CEP295: variants seen among roughly 807,000 people sequenced by gnomAD.
CEP295 encodes centrosomal protein of 295 kDa.
In CEP295, 190 loss-of-function variants were observed where a neutral mutation model predicts 291.6. The ratio of observed to expected loss-of-function variants is 0.65; its 90% CI spans 0.58 to 0.73. CEP295 has a LOEUF of 0.73. CEP295 is among the 30% of genes least tolerant of loss of function. The pLI, the probability that CEP295 is intolerant of heterozygous loss-of-function variation, is 0.00. For missense variants in CEP295, 2,863 were observed against 2,949.4 expected, an observed-to-expected ratio of 0.97 and a Z score of 0.68; for synonymous variants, 993 against 1,038.8, an observed-to-expected ratio of 0.96 and a Z score of 0.85.
intron 3 of CEP295, 95 bp from the exon 4 acceptor site, chr11:93,668,713 A>G: frequency 1.1e-6 from 1 of 917,896 alleles, no homozygotes; most frequent in Non-Finnish European, 1.6e-6. Flanking sequence ...TGTAGAAAGA[A>G]GATGACAAAA....
Position 93,668,900 on chromosome 11 carries a change from TCAAAAA to T in CEP295, c.403_408del (p.Gln135_Lys136del). Reference sequence around the variant, plus strand: ...AAGAAGCCTTGAAAGTACAGAAAAATCAAAAAGAAATATTACTGAAACAAAAAACCT... The same window carrying T: ...AAGAAGCCTTGAAAGTACAGAAAAATGAAATATTACTGAAACAAAAAACCT... On this transcript the variant is annotated inframe_deletion, in exon 4 of 30. Transcript: ENST00000325212. 1.5e-6 allele frequency: 2 copies of T among 1,313,178 alleles called. No homozygotes were observed. The highest frequency in any genetic ancestry group is 2.1e-6 in the Non-Finnish European group (2 of 948,488). The allele number at this position is 1,313,178 out of a possible 1,614,324, so 81.3% of individuals were successfully genotyped here.
rs1952038027 is a variant in CEP295 at position 93,699,762 on chromosome 11, A to G, written c.4850A>G (p.Tyr1617Cys). The change falls in exon 15 of 30, where the codon TAT becomes TGT. Residue 1617 changes from tyrosine (Y) to cysteine (C), a missense_variant. By Grantham distance (194) the Tyr-to-Cys change is radical. Coordinates refer to ENST00000325212, the MANE Select transcript of CEP295 (RefSeq NM_033395.2). ...LDAQREVMYSYEKPQEELSLN... is the reference protein window; with the variant it reads ...LDAQREVMYSCEKPQEELSLN... ...GCACAAAGGGAAGTGATGTATTCTT[A>G]TGAGAAACCCCAGGAAGAACTGTCT... The G allele has an allele frequency of 1.3e-6, 2 of 1,552,074 alleles. No homozygotes were observed. The highest frequency in any genetic ancestry group is 4.9e-5 in the East Asian group (2 of 40,914).
At chr11:93,669,874 C>T in intron 5 of CEP295, 104 bp downstream of exon 5, 1 of 694,252 alleles carries the variant, frequency 1.4e-6, no homozygotes, top group Non-Finnish European at 2.4e-6. Flanking sequence ...TACAAGTTTT[C>T]TTGTACAATT....
chr11:93,696,536 C>CA, intron 14 of CEP295, 119 bp downstream of exon 14: 1 of 1,016,204 alleles, frequency 9.8e-7, no homozygotes, highest in Non-Finnish European at 1.4e-6. Flanking sequence ...TTAGAACTGC[C>CA]ATTCTTAAAG....
intron 17 of CEP295, among the ~76,000 whole-genome samples, chr11:93,704,645 C>T (rs571609188): frequency 1.3e-5 from 2 of 152,282 alleles, no homozygotes; most frequent in African/African-American, 4.8e-5. Context: ...TCTCTTCCTC[C>T]CTTCAAGACT....
intron 12 of CEP295, 37 bp downstream of exon 12, chr11:93,692,067 C>T (rs920497412): frequency 8.9e-7 from 1 of 1,122,314 alleles, no homozygotes; most frequent in South Asian, 1.4e-5. Flanking sequence ...TTTATTTTTC[C>T]CCTAGGTACT....
Position 93,702,497 on chromosome 11 carries a change from A to G in CEP295, c.5312A>G (p.Gln1771Arg), listed in dbSNP as rs914917828. 5.2e-6 allele frequency: 8 copies of G among 1,541,950 alleles called. No individual in the cohort carries two copies. The African/African-American group carries it at 5.5e-5, about 11-fold the overall frequency. ...ACAGTTGAAAATGATTTAAAAACCCAGAAGATGGGGCAGCTCAGAGACTGG... is the reference window on the plus strand; with the variant it reads ...ACAGTTGAAAATGATTTAAAAACCCGGAAGATGGGGCAGCTCAGAGACTGG... ...KPTVENDLKTQKMGQLRDWFP... is the reference protein window; with the variant it reads ...KPTVENDLKTRKMGQLRDWFP... The change falls in exon 16 of 30, where the codon CAG becomes CGG. Residue 1771 changes from glutamine (Q) to arginine (R), a missense_variant. Gln to Arg is a conservative substitution (Grantham distance 43). This residue lies in a region of CEP295 where 2,295 missense variants were observed against 2,335.7 expected (regional missense o/e 0.98). Coordinates refer to ENST00000325212, the MANE Select transcript of CEP295 (RefSeq NM_033395.2).
chr11:93,702,900 T>C lies in CEP295; in HGVS notation c.5577T>C (p.Ile1859=). 6.4e-7 allele frequency: 1 copy of C among 1,550,698 alleles called. No homozygotes were observed. Among genetic ancestry groups the C allele is most frequent in the East Asian group, 2.4e-5 (1 of 40,916 alleles). ...TACAAGAAGTAGAGTCACCAGCAAT[T>C]GGCAGAACTTCTATACTAGGTAAAT... ...SAIQEVESPA[I]GRTSILGKPG... is the part of the protein sequence containing the mutation. The change falls in exon 17 of 30, where the codon ATT becomes ATC. Residue 1859 remains isoleucine (I), a synonymous_variant. Transcript: ENST00000325212.
chr11:93,722,007 C>T lies in CEP295; in HGVS notation c.5904C>T (p.Ser1968=), dbSNP rs1953768086. The T allele has an allele frequency of 1.3e-6, 2 of 1,572,096 alleles. No individual in the cohort carries two copies. The highest frequency in any genetic ancestry group is 1.4e-5 in the African/African-American group (1 of 73,708). ...CTTCAGCAACTGTTTCCACTGGGAG[C>T]CTTTTAAGTTATGAAAACACAGATT... ...PLSSATVSTG[S]LLSYENTDLS... Residue 1968 remains serine, a synonymous_variant, in exon 20 of 30, where the codon AGC becomes AGT. Coordinates refer to ENST00000325212, the MANE Select transcript of CEP295 (RefSeq NM_033395.2).
intron 9 of CEP295, among the ~76,000 whole-genome samples, chr11:93,684,609 G>T (rs1292395117): frequency 1.3e-5 from 2 of 152,164 alleles, no homozygotes; most frequent in African/African-American, 4.8e-5. Flanking sequence ...TCAAGTTTTG[G>T]GTTGAATGAA....
At chr11:93,724,127 A>C in intron 21 of CEP295, 127 bp from the exon 22 acceptor site, 1 of 832,784 alleles carries the variant, frequency 1.2e-6, no homozygotes, top group Non-Finnish European at 1.8e-6. Context: ...TTTTTGTTAC[A>C]CTGGAGTTAC....
At chr11:93,683,416 A>C in intron 7 of CEP295, 143 bp from the exon 8 acceptor site, 1 of 611,660 alleles carries the variant, frequency 1.6e-6, no homozygotes. Flanking sequence ...GAATGAATAA[A>C]TGTCTGTCTT....
At position 93,697,842 on chromosome 11, in the gene CEP295, A is replaced by G. The variant is rs1951930511; in HGVS notation, c.2930A>G (p.His977Arg). The change falls in exon 15 of 30, where the codon CAT (histidine) becomes CGT (arginine). Residue 977 changes from histidine to arginine, a missense_variant. Physicochemically the swap from His to Arg is conservative, Grantham distance 29 (BLOSUM62 0). This residue lies in a region of CEP295 where 2,295 missense variants were observed against 2,335.7 expected (regional missense o/e 0.98). Transcript: ENST00000325212. ...RREAQEVLYV[H>R]KQSELDRRVC... ...GAAGCCCAGGAAGTATTGTATGTAC[A>G]TAAACAGAGTGAATTGGATAGAAGA... 4.5e-6 allele frequency: 7 copies of G among 1,551,684 alleles called. No homozygotes were observed. The highest frequency in any genetic ancestry group is 6.1e-6 in the Non-Finnish European group (7 of 1,147,018).
intron 10 of CEP295, among the ~76,000 whole-genome samples, chr11:93,688,119 T>G (rs1019427767): frequency 2.6e-5 from 4 of 152,174 alleles, no homozygotes; most frequent in African/African-American, 9.6e-5. Context: ...ATTGAGATGT[T>G]CAGGCTGTTT....
chr11:93,698,515 G>T lies in CEP295; in HGVS notation c.3603G>T (p.Gln1201His). The change falls in exon 15 of 30, where the codon CAG becomes CAT. Residue 1201 changes from glutamine to histidine, a missense_variant. Transcript: ENST00000325212. ...TGGAGAAAAGAATTTCTTCTGAACA[G>T]ACTGGCACCTCCTCATCCCTTTCCC... ...SELEKRISSE[Q>H]TGTSSSLSQV... is the part of the protein sequence containing the mutation. The T allele has an allele frequency of 6.4e-7, 1 of 1,552,096 alleles. No homozygotes were observed. Among genetic ancestry groups the T allele is most frequent in the Non-Finnish European group, 8.7e-7 (1 of 1,147,078 alleles).
intron 22 of CEP295, 32 bp downstream of exon 22, chr11:93,724,407 A>G: frequency 6.5e-7 from 1 of 1,534,538 alleles, no homozygotes; most frequent in Non-Finnish European, 8.8e-7. Context: ...ATTGCAGTGA[A>G]TATCTAAAAA....
rs570413393 is a variant in CEP295 at position 93,692,524 on chromosome 11, C to T, written c.1533+494C>T. 1.4e-4 allele frequency among the ~76,000 whole-genome samples: 22 copies of T among 152,256 alleles called. 1 individual carries two copies. The South Asian group carries it at 4.4e-3, about 30-fold the overall frequency. On this transcript the variant is annotated intron_variant, in intron 12 of 29. Coordinates refer to ENST00000325212, the MANE Select transcript of CEP295 (RefSeq NM_033395.2). ...TCGCCCAGGCTGGAGTACAGTGACA[C>T]GATCATCGCTCACTGCAGCCTTGAC... is the stretch of plus-strand genomic sequence containing the variant.
At chr11:93,721,757 G>A (rs1272218581) in intron 19 of CEP295, 197 bp from the exon 20 acceptor site, 5 of 739,670 alleles carry the variant, frequency 6.8e-6, no homozygotes, top group Admixed American at 5.3e-5. Context: ...TTGAGGGTGG[G>A]GGGGTGCGTA....
intron 10 of CEP295, among the ~76,000 whole-genome samples, chr11:93,688,806 CCTTA>C (rs757134887): frequency 6.6e-6 from 1 of 152,220 alleles, no homozygotes; most frequent in Non-Finnish European, 1.5e-5. Flanking sequence ...TTTGAACTCA[CCTTA>C]CTTATTTAAC....
Sources: gnomAD v4.1 joint callset for allele counts (sites outside exome capture counted in the v4.1 genomes callset) on GRCh38, gnomAD v4.1.1 for gene constraint, gnomAD v4.1.1 regional missense constraint, MANE v1.5 for transcripts, NCBI Gene and HGNC (gene_info 2026-07-23, HGNC 2026-07-21) for gene names.